CPLANE1: variants seen among roughly 807,000 people sequenced by gnomAD.
The protein encoded by CPLANE1 is ciliogenesis and planar polarity effector complex subunit 1.
Under a neutral mutation model 362.5 loss-of-function variants are expected in CPLANE1, and 263 were observed. That is an observed-to-expected ratio of 0.73 (90% CI 0.66 to 0.80). The LOEUF is 0.80. Among genes scored for constraint, CPLANE1 ranks in the 30% least tolerant of loss-of-function variants. CPLANE1 has a pLI of 0.00. For missense variants in CPLANE1, 3,461 were observed against 3,793.4 expected, an observed-to-expected ratio of 0.91 and a Z score of 2.30; for synonymous variants, 1,212 against 1,302.6, an observed-to-expected ratio of 0.93 and a Z score of 1.50.
chr5:37,168,233 C>T (rs913250554), intron 34 of CPLANE1, among the ~76,000 whole-genome samples: 2 of 152,058 alleles, frequency 1.3e-5, no homozygotes, highest in South Asian at 4.1e-4. Context: ...GATTCTGGGT[C>T]TATTTAACAA....
At chr5:37,179,482 A>G (rs757764656) in intron 28 of CPLANE1, 39 bp from the exon 29 acceptor site, 1 of 1,408,630 alleles carries the variant, frequency 7.1e-7, no homozygotes, top group Admixed American at 1.9e-5. Flanking sequence ...CTGATCATTT[A>G]AAAAATAAGC....
At chr5:37,174,237 G>A (rs890372206) in intron 31 of CPLANE1, among the ~76,000 whole-genome samples, 9 of 152,096 alleles carry the variant, frequency 5.9e-5, no homozygotes, top group Non-Finnish European at 1.0e-4. Context: ...TTACTTGCCT[G>A]GTCCCTGTGG....
intron 34 of CPLANE1, 112 bp downstream of exon 34, chr5:37,168,679 A>T: frequency 1.1e-6 from 1 of 901,958 alleles, no homozygotes; most frequent in Non-Finnish European, 1.7e-6. Context: ...GCTATTTTCT[A>T]TAACAAGCAT....
chr5:37,089,359 G>A, the CPLANE1 span, among the ~76,000 whole-genome samples: 4 of 151,994 alleles, frequency 2.6e-5, no homozygotes, highest in Non-Finnish European at 5.9e-5. Flanking sequence ...AGCCCAATGG[G>A]GGGTTACTCT....
At chr5:37,150,866 G>A (rs917212321) in intron 42 of CPLANE1, among the ~76,000 whole-genome samples, 1 of 152,104 alleles carries the variant, frequency 6.6e-6, no homozygotes, top group Non-Finnish European at 1.5e-5. Context: ...GGGAAATGGG[G>A]CCCAGGAATT....
chr5:37,208,937 GA>G (rs199850875), intron 16 of CPLANE1, among the ~76,000 whole-genome samples: 27 of 106,066 alleles, frequency 2.5e-4, no homozygotes, highest in East Asian at 7.8e-4. Flanking sequence ...TTTCACAGAT[GA>G]AAAAAAAAAA....
intron 46 of CPLANE1, among the ~76,000 whole-genome samples, chr5:37,129,817 C>G (rs551035759): frequency 1.3e-5 from 2 of 152,212 alleles, no homozygotes; most frequent in East Asian, 3.9e-4. Context: ...AGTACAACCA[C>G]TATGGAAAAC....
At chr5:37,076,296 G>A in the CPLANE1 span, among the ~76,000 whole-genome samples, 1 of 151,704 alleles carries the variant, frequency 6.6e-6, no homozygotes, top group Non-Finnish European at 1.5e-5. Flanking sequence ...TTGGGCTGGG[G>A]GGAGCAACTG....
chr5:37,111,225 A>T lies in CPLANE1; in HGVS notation c.9401-2754T>A, dbSNP rs564319163. 2.0e-5 allele frequency among the ~76,000 whole-genome samples: 3 copies of T among 151,300 alleles called. No homozygotes were observed. The South Asian group carries it at 6.3e-4, about 32-fold the overall frequency. On this transcript the variant is annotated intron_variant, in intron 51 of 52. Coordinates refer to ENST00000651892, the MANE Select transcript of CPLANE1 (RefSeq NM_001384732.1). ...AAGCTCCACCTCCCGGGTTCACACCATTCTCCTGCCTCAGCCTCCCGAGTA... is the reference window on the plus strand; with the variant it reads ...AAGCTCCACCTCCCGGGTTCACACCTTTCTCCTGCCTCAGCCTCCCGAGTA...
In CPLANE1 at chr5:37,221,749, C is replaced by A. The variant is rs1053284383; in HGVS notation, c.2582-261G>T. ...GAGGTAGGCAACCAGCAGTTTCAGT[C>A]TTCAGATATGTAAAGGCAGTTGTCA... On this transcript the variant is annotated intron_variant, in intron 14 of 52. Coordinates refer to ENST00000651892, the MANE Select transcript of CPLANE1 (RefSeq NM_001384732.1). 7.2e-5 allele frequency among the ~76,000 whole-genome samples: 11 copies of A among 152,070 alleles called. No individual in the cohort carries two copies. The South Asian group carries it at 1.7e-3, about 23-fold the overall frequency.
rs150278294 is a variant in CPLANE1, at chr5:37,114,240, C to T, written c.9400+720G>A. ...TGAGATAATGCACATGAGGTGTGAA[C>T]ACAATGCCTGGCATAGAGTAAGTGC... On this transcript the variant is annotated intron_variant, in intron 51 of 52. Transcript: ENST00000651892. 1.3e-3 allele frequency among the ~76,000 whole-genome samples: 199 copies of T among 152,294 alleles called. 2 individuals carry two copies. Among genetic ancestry groups the T allele is most frequent in the African/African-American group, 4.6e-3 (191 of 41,550 alleles).
chr5:37,192,925 T>C (rs1786044515), intron 21 of CPLANE1, among the ~76,000 whole-genome samples: 1 of 150,960 alleles, frequency 6.6e-6, no homozygotes, highest in Non-Finnish European at 1.5e-5. Flanking sequence ...TCCCAGCACT[T>C]TGGGAGGCCG....
At chr5:37,191,700 T>A (rs552979050) in intron 21 of CPLANE1, among the ~76,000 whole-genome samples, 1 of 152,168 alleles carries the variant, frequency 6.6e-6, no homozygotes, top group East Asian at 1.9e-4. Flanking sequence ...GCTGGTACAG[T>A]GGCTTACGCC....
intron 46 of CPLANE1, among the ~76,000 whole-genome samples, chr5:37,131,908 C>T (rs1765945892): frequency 6.6e-6 from 1 of 152,136 alleles, no homozygotes; most frequent in Admixed American, 6.5e-5. Context: ...ATCCTCCCAC[C>T]TCAGCCTCGA....
intron 41 of CPLANE1, among the ~76,000 whole-genome samples, chr5:37,155,853 A>C (rs1774943640): frequency 6.6e-6 from 1 of 152,224 alleles, no homozygotes; most frequent in Non-Finnish European, 1.5e-5. Context: ...CAGAGCTGGG[A>C]TTCAAATCCA....
chr5:37,153,831 AT>A lies in CPLANE1; in HGVS notation c.8281del (p.Ile2761LeufsTer6). 6.2e-7 allele frequency: 1 copy of A among 1,614,082 alleles called. No individual in the cohort carries two copies. Among genetic ancestry groups the A allele is most frequent in the Non-Finnish European group, 8.5e-7 (1 of 1,180,020 alleles). On this transcript the variant is annotated frameshift_variant, in exon 42 of 53. Coordinates refer to ENST00000651892, the MANE Select transcript of CPLANE1 (RefSeq NM_001384732.1). LOFTEE classifies it high-confidence loss of function. ...CTGTATTGCTAGCAACTGCTCGTCA[AT>A]TTTCTGAAGCTTAGCACTGAGATGC... ...LEHLSAKLQK[I>X]DEQLLAIQNI...
At chr5:37,243,722 CATGT>C (rs1178118337) in intron 5 of CPLANE1, among the ~76,000 whole-genome samples, 1 of 144,252 alleles carries the variant, frequency 6.9e-6, no homozygotes, top group South Asian at 2.1e-4. Context: ...ATATAATATA[CATGT>C]ATTATATATA....
intron 29 of CPLANE1, among the ~76,000 whole-genome samples, 167 bp from the exon 30 acceptor site, chr5:37,177,867 C>T (rs1580451319): frequency 6.6e-5 from 10 of 152,294 alleles, no homozygotes; most frequent in Admixed American, 6.5e-4. Context: ...CTGACCTAAT[C>T]TTTATACTGT....
At chr5:37,138,180 T>TC (rs1768375393) in intron 46 of CPLANE1, among the ~76,000 whole-genome samples, 1 of 152,172 alleles carries the variant, frequency 6.6e-6, no homozygotes, top group African/African-American at 2.4e-5. Flanking sequence ...CTAAATAGTT[T>TC]CATAGGTCTA....
Sources: allele counts gnomAD v4.1 joint callset (sites outside exome capture counted in the v4.1 genomes callset), GRCh38; gene constraint gnomAD v4.1.1; transcripts MANE v1.5; gene names NCBI Gene and HGNC (gene_info 2026-07-23, HGNC 2026-07-21).